RIN3: variants seen among roughly 807,000 people sequenced by gnomAD.
The protein encoded by RIN3 is Ras and Rab interactor 3.
Under a neutral mutation model 76.3 loss-of-function variants are expected in RIN3, and 54 were observed. The observed-to-expected ratio is 0.71, with a 90% CI of 0.57 to 0.89. The LOEUF (loss-of-function observed/expected upper bound fraction) is 0.89. Ranked by LOEUF, RIN3 falls within the 40% of genes least tolerant of loss-of-function variation. RIN3 has a pLI of 0.00. For missense variants in RIN3, 1,256 were observed against 1,322.1 expected (o/e 0.95, Z 0.78); for synonymous variants, 576 against 564.0 (o/e 1.02, Z -0.30).
chr14:92,596,053 T>C (rs562978096), intron 3 of RIN3, among the ~76,000 whole-genome samples: 1 of 152,388 alleles, frequency 6.6e-6, no homozygotes, highest in South Asian at 2.1e-4. Flanking sequence ...ACTGCTTTTG[T>C]CATCAGTCCT....
intron 3 of RIN3, among the ~76,000 whole-genome samples, chr14:92,607,397 G>A (rs924690901): frequency 2.3e-4 from 35 of 152,310 alleles, no homozygotes; most frequent in African/African-American, 6.3e-4. Context: ...TAATTCCAGC[G>A]TTTTGGGAGA....
At chr14:92,659,063 G>A in intron 6 of RIN3, 98 bp from the exon 7 acceptor site, 1 of 1,150,438 alleles carries the variant, frequency 8.7e-7, no homozygotes, top group South Asian at 1.4e-5. Context: ...CCTTCCAGGG[G>A]CCAGGGGATG....
intron 7 of RIN3, among the ~76,000 whole-genome samples, chr14:92,675,120 T>C (rs1419323852): frequency 6.6e-6 from 1 of 152,206 alleles, no homozygotes; most frequent in East Asian, 1.9e-4. Flanking sequence ...AATAGGTATA[T>C]TTTTTCTTCA....
intron 1 of RIN3, among the ~76,000 whole-genome samples, chr14:92,531,144 G>C (rs939598414): frequency 6.6e-6 from 1 of 152,118 alleles, no homozygotes; most frequent in Non-Finnish European, 1.5e-5. Flanking sequence ...AAATAGCACC[G>C]ATGGGGTGGC....
chr14:92,540,756 G>A (rs1334486016), intron 1 of RIN3, among the ~76,000 whole-genome samples: 2 of 152,172 alleles, frequency 1.3e-5, no homozygotes, highest in South Asian at 2.1e-4. Context: ...GCTGTTCACT[G>A]GGGCAGGGCC....
At position 92,594,575 on chromosome 14, in the gene RIN3, A is replaced by G. The variant is rs562012704; in HGVS notation, c.367+17098A>G. ...ACAACACACTTCTAACCAACATACA[A>G]AGAAGGAATCTCAAAAGAAATTTAA... On this transcript the variant is annotated intron_variant, in intron 3 of 9. Transcript: ENST00000216487. Among the ~76,000 whole-genome samples the G allele has an allele frequency of 1.1e-4, 17 of 152,364 alleles. No homozygotes were observed. In the South Asian group the frequency reaches 2.7e-3, roughly 24 times the overall value.
chr14:92,576,984 C>T (rs986182113), intron 2 of RIN3, among the ~76,000 whole-genome samples: 1 of 152,056 alleles, frequency 6.6e-6, no homozygotes, highest in African/African-American at 2.4e-5. Flanking sequence ...GTAGACTCAG[C>T]ACTGCTCACA....
intron 3 of RIN3, among the ~76,000 whole-genome samples, chr14:92,600,956 C>G (rs192304473): frequency 5.1e-4 from 78 of 152,312 alleles, no homozygotes; most frequent in Admixed American, 5.1e-3. Context: ...TTGAGAACCA[C>G]GGCTCTAGGG....
At chr14:92,539,995 T>G (rs1016756381) in intron 1 of RIN3, among the ~76,000 whole-genome samples, 4 of 152,150 alleles carry the variant, frequency 2.6e-5, no homozygotes, top group Non-Finnish European at 4.4e-5. Context: ...CACGTTGGGG[T>G]CAGTGTGGGC....
At position 92,622,936 on chromosome 14, in the gene RIN3, G is replaced by A. The variant is rs112426837; in HGVS notation, c.440+7457G>A. On this transcript the variant is annotated intron_variant, in intron 4 of 9. Coordinates refer to ENST00000216487, the MANE Select transcript of RIN3 (RefSeq NM_024832.5). ...CTAATATGATTCGGATTTCGTGTTC[G>A]TTCACGGGGAAGAATTTGTTACTAT... 3.3e-4 allele frequency among the ~76,000 whole-genome samples: 50 copies of A among 152,316 alleles called. 1 individual carries two copies. The highest frequency in any genetic ancestry group is 4.3e-4 in the Non-Finnish European group (29 of 68,026).
intron 7 of RIN3, among the ~76,000 whole-genome samples, chr14:92,665,194 T>C (rs536621979): frequency 2.0e-5 from 3 of 152,250 alleles, no homozygotes; most frequent in South Asian, 2.1e-4. Flanking sequence ...TACTGAAAAC[T>C]GTAGGCAGTT....
In RIN3 at chr14:92,651,644, G is replaced by T. The variant is rs750933735; in HGVS notation, c.595G>T (p.Asp199Tyr). 5.6e-6 allele frequency: 9 copies of T among 1,613,626 alleles called. No individual in the cohort carries two copies. The East Asian group carries it at 2.0e-4, about 36-fold the overall frequency. The stretch of plus-strand genomic sequence containing the variant: ...AGGGAAGCCAGCAGAGCCCCCAAGA[G>T]ACCGGGCCCCCGGATTCCCCCTAGT... The part of the protein sequence containing the change: ...ERGKPAEPPR[D>Y]RAPGFPLVSS... Residue 199 changes from aspartate (D) to tyrosine (Y), a missense_variant, in exon 6 of 10, where the codon GAC becomes TAC. By Grantham distance (160) the Asp-to-Tyr change is radical. Around this residue, in one of 3 missense-constraint regions of RIN3, gnomAD observed 610 missense variants for 626.4 expected, o/e 0.97. Coordinates refer to ENST00000216487, the MANE Select transcript of RIN3 (RefSeq NM_024832.5).
At chr14:92,564,272 C>T (rs1431919416) in intron 2 of RIN3, among the ~76,000 whole-genome samples, 1 of 152,198 alleles carries the variant, frequency 6.6e-6, no homozygotes, top group Non-Finnish European at 1.5e-5. Flanking sequence ...GCATAATTCT[C>T]TCCCTAAGCA....
chr14:92,662,291 T>A (rs1029042949), intron 7 of RIN3, among the ~76,000 whole-genome samples: 6 of 138,876 alleles, frequency 4.3e-5, no homozygotes, highest in Non-Finnish European at 7.8e-5. Flanking sequence ...GAAGCAGCAG[T>A]CAGACTGGAT....
chr14:92,676,049 G>A (rs565274688), intron 7 of RIN3, among the ~76,000 whole-genome samples: 21 of 152,260 alleles, frequency 1.4e-4, no homozygotes, highest in African/African-American at 5.1e-4. Context: ...GGGTGAGGAA[G>A]AGGTTTCTGT....
At chr14:92,558,409 T>G (rs1425194187) in intron 2 of RIN3, among the ~76,000 whole-genome samples, 1 of 152,220 alleles carries the variant, frequency 6.6e-6, no homozygotes, top group Non-Finnish European at 1.5e-5. Flanking sequence ...TGGTTCCTTT[T>G]GGAGAATGCT....
At chr14:92,634,117 C>G (rs1455575003) in intron 4 of RIN3, among the ~76,000 whole-genome samples, 1 of 143,820 alleles carries the variant, frequency 7.0e-6, no homozygotes, top group East Asian at 2.0e-4. Flanking sequence ...TATTGTTGCC[C>G]AGGCTGGAGT....
At position 92,634,179 on chromosome 14, in the gene RIN3, A is replaced by G. The variant is rs558610122; in HGVS notation, c.441-7059A>G. Among the ~76,000 whole-genome samples the G allele has an allele frequency of 4.1e-5, 6 of 147,908 alleles. No homozygotes were observed. The Admixed American group carries it at 4.2e-4, about 10-fold the overall frequency. The stretch of plus-strand genomic sequence containing the variant: ...AACCTCCGCCTCCTGGGTTCAAGCA[A>G]TTCTCCTGCCTCAGCCTCCCACATA... On this transcript the variant is annotated intron_variant, in intron 4 of 9. Transcript: ENST00000216487.
intron 6 of RIN3, among the ~76,000 whole-genome samples, chr14:92,658,000 A>AC (rs764501853): frequency 5.3e-5 from 8 of 152,092 alleles, no homozygotes; most frequent in Non-Finnish European, 1.2e-4. Context: ...CGTAACCAAG[A>AC]CCCATCCCCT....
Sources: gnomAD v4.1 joint callset for allele counts (sites outside exome capture counted in the v4.1 genomes callset) on GRCh38, gnomAD v4.1.1 for gene constraint, gnomAD v4.1.1 regional missense constraint, MANE v1.5 for transcripts, NCBI Gene and HGNC (gene_info 2026-07-23, HGNC 2026-07-21) for gene names.